The following ERI3 variants were observed in gnomAD, a reference collection of about 807,000 sequenced individuals.
ERI3 encodes the protein ERI1 exoribonuclease 3.
ERI3 carries 18 observed loss-of-function variants against 44.4 expected under a neutral mutation model. The ratio of observed to expected loss-of-function variants is 0.41; its 90% CI spans 0.28 to 0.60. The LOEUF (loss-of-function observed/expected upper bound fraction) is 0.60, where lower values mean the gene tolerates loss of function less well. ERI3 is among the 20% of genes least tolerant of loss of function. The pLI is 0.36. For synonymous variants in ERI3, 183 were observed against 164.8 expected (o/e 1.11, Z -0.84); for missense variants, 294 against 435.5 (o/e 0.68, Z 2.89).
intron 7 of ERI3, among the ~76,000 whole-genome samples, chr1:44,283,410 G>C (rs1388443188): frequency 6.6e-6 from 1 of 152,232 alleles, no homozygotes; most frequent in Non-Finnish European, 1.5e-5. Flanking sequence ...CAAGTGCCAA[G>C]GAACCTCAAG....
At position 44,241,723 on chromosome 1, in the gene ERI3, C is replaced by G. The variant is rs1401468120; in HGVS notation, c.931+6216G>C. 6.6e-6 allele frequency among the ~76,000 whole-genome samples: 1 copy of G among 152,036 alleles called. No homozygotes were observed. The highest frequency in any genetic ancestry group is 1.5e-5 in the Non-Finnish European group (1 of 68,002). On this transcript the variant is annotated intron_variant, in intron 8 of 8. Coordinates refer to ENST00000372257, the MANE Select transcript of ERI3 (RefSeq NM_024066.3). The surrounding 1 kb of genome is among the most constrained non-coding windows in gnomAD (Gnocchi z 5.6). ...GTTTGACAGGAGATACAGAGAGAGACAAGGGGAGGCGAGGCCGGGGCCTGG... is the reference window on the plus strand; with the variant it reads ...GTTTGACAGGAGATACAGAGAGAGAGAAGGGGAGGCGAGGCCGGGGCCTGG...
intron 6 of ERI3, among the ~76,000 whole-genome samples, chr1:44,299,824 C>A (rs1044227324): frequency 1.3e-5 from 2 of 152,146 alleles, no homozygotes; most frequent in Non-Finnish European, 2.9e-5. Context: ...GTCATACAGT[C>A]CAGCCAGGTG....
At position 44,352,880 on chromosome 1, in the gene ERI3, C is replaced by A; in HGVS notation, c.181G>T (p.Ala61Ser). 1 of 1,614,152 alleles carries A rather than the reference C, an allele frequency of 6.2e-7. No individual in the cohort carries two copies. The highest frequency in any genetic ancestry group is 8.5e-7 in the Non-Finnish European group (1 of 1,180,034). Residue 61 changes from alanine (A) to serine (S), a missense_variant, in exon 2 of 9, where the codon GCC (alanine) becomes TCC (serine). Ala to Ser is a moderately conservative substitution (Grantham distance 99). Around this residue, in one of 2 missense-constraint regions of ERI3, gnomAD observed 107 missense variants for 96.9 expected, o/e 1.10. Coordinates refer to ENST00000372257, the MANE Select transcript of ERI3 (RefSeq NM_024066.3). ...CTTACTTCGAAGATGCCAAGACCGGCAGCTGGGGATGCTGAAGGTTCTGTG... is the reference window on the plus strand; with the variant it reads ...CTTACTTCGAAGATGCCAAGACCGGAAGCTGGGGATGCTGAAGGTTCTGTG... ...ALTEPSASPA[A>S]GLGIFEVRRV...
chr1:44,263,126 T>C (rs1415635624), intron 7 of ERI3, among the ~76,000 whole-genome samples: 3 of 152,160 alleles, frequency 2.0e-5, no homozygotes, highest in Non-Finnish European at 4.4e-5. Flanking sequence ...GAAGTTCCAT[T>C]AACCTTCCCT....
chr1:44,254,449 T>G (rs1032732241), intron 7 of ERI3, among the ~76,000 whole-genome samples: 4 of 152,182 alleles, frequency 2.6e-5, no homozygotes, highest in Non-Finnish European at 4.4e-5. Context: ...ACTTTTCTAC[T>G]AAGCCTGAAC....
At chr1:44,354,189 A>G (rs1646951194) in intron 1 of ERI3, 1 of 985,422 alleles carries the variant, frequency 1.0e-6, no homozygotes, top group Non-Finnish European at 1.2e-6. Flanking sequence ...AGCCAATAGG[A>G]TTCATGTTTT....
In ERI3 at chr1:44,339,092, C is replaced by A; in HGVS notation, c.442G>T (p.Val148Leu). The A allele has an allele frequency of 6.2e-7, 1 of 1,613,912 alleles. No homozygotes were observed. The change falls in exon 3 of 9, where the codon GTG becomes TTG. Residue 148 changes from valine to leucine, a missense_variant. Coordinates refer to ENST00000372257, the MANE Select transcript of ERI3 (RefSeq NM_024066.3). ...FPPQRYHYFL[V>L]LDFEATCDKP... ...TCGCACGTGGCCTCAAAGTCCAGCA[C>A]TAAAAAGTAGTGATACCTCTGGGGA...
intron 7 of ERI3, 96 bp downstream of exon 7, chr1:44,284,739 G>C (rs1482305592): frequency 2.3e-6 from 2 of 886,104 alleles, no homozygotes; most frequent in South Asian, 1.5e-5. Context: ...AAAAGAAAAA[G>C]AGGGAGAACA....
At chr1:44,248,120 C>G (rs748133056) in intron 7 of ERI3, 82 bp from the exon 8 acceptor site, 5 of 859,858 alleles carry the variant, frequency 5.8e-6, no homozygotes, top group Non-Finnish European at 8.9e-6. Flanking sequence ...CCCCACCCCC[C>G]AAATCTTTCC....
At chr1:44,304,628 C>T (rs1406929440) in intron 6 of ERI3, among the ~76,000 whole-genome samples, 1 of 152,166 alleles carries the variant, frequency 6.6e-6, no homozygotes, top group African/African-American at 2.4e-5. Flanking sequence ...GTGCGTGGTT[C>T]CATCGTGGCA....
At chr1:44,246,740 T>C (rs1644562287) in intron 8 of ERI3, among the ~76,000 whole-genome samples, 1 of 152,260 alleles carries the variant, frequency 6.6e-6, no homozygotes, top group Admixed American at 6.5e-5. Context: ...TTTCAGTCCC[T>C]GTCTCTTCCC....
At chr1:44,300,642 C>T (rs1645703665) in intron 6 of ERI3, among the ~76,000 whole-genome samples, 1 of 152,202 alleles carries the variant, frequency 6.6e-6, no homozygotes, top group South Asian at 2.1e-4. Context: ...AAACCTGCTC[C>T]TACCCTCAGG....
chr1:44,354,894 C>T lies in ERI3; in HGVS notation c.133G>A (p.Gly45Arg). ...CGGGGCCATTCAGCATCACCCACCC[C>T]GGGGTGTTGCCCCCAACTCGGGCCC... The part of the protein sequence containing the change: ...WMGPSWGQHP[G>R]HWGFPALTEP... The change falls in exon 1 of 9, where the codon GGG becomes AGG. Residue 45 changes from glycine (G) to arginine (R), a missense_variant and splice_region_variant. By Grantham distance (125) the Gly-to-Arg change is moderately radical (BLOSUM62 -2). Around this residue, in one of 2 missense-constraint regions of ERI3, gnomAD observed 107 missense variants for 96.9 expected, o/e 1.10. Transcript: ENST00000372257. 6.1e-6 allele frequency: 8 copies of T among 1,316,886 alleles called. No homozygotes were observed. The highest frequency in any genetic ancestry group is 7.8e-6 in the Non-Finnish European group (8 of 1,024,104). 81.6% of individuals were successfully genotyped at this position (1,316,886 alleles called of 1,614,324 possible).
intron 7 of ERI3, among the ~76,000 whole-genome samples, chr1:44,262,515 A>ATCTGGGC (rs1264378597): frequency 2.0e-5 from 3 of 152,206 alleles, no homozygotes; most frequent in Non-Finnish European, 4.4e-5. Context: ...CAGCACTTCC[A>ATCTGGGC]TCTGGGCACC....
Position 44,288,470 on chromosome 1 carries a change from C to T in ERI3, c.759-3563G>A, listed in dbSNP as rs1389990565. Among the ~76,000 whole-genome samples, 3 of 152,300 alleles carry T rather than the reference C, an allele frequency of 2.0e-5. No individual in the cohort carries two copies. The East Asian group carries it at 5.8e-4, about 29-fold the overall frequency. On this transcript the variant is annotated intron_variant, in intron 6 of 8. Coordinates refer to ENST00000372257, the MANE Select transcript of ERI3 (RefSeq NM_024066.3). Reference sequence around the variant, plus strand: ...AGCTTGCAAGTGCCTCATGGGAAGACAGTTACACATCTCTACCACACACCC... The same window carrying T: ...AGCTTGCAAGTGCCTCATGGGAAGATAGTTACACATCTCTACCACACACCC...
At chr1:44,265,093 C>T (rs1185449762) in intron 7 of ERI3, among the ~76,000 whole-genome samples, 1 of 152,174 alleles carries the variant, frequency 6.6e-6, no homozygotes, top group Non-Finnish European at 1.5e-5. Flanking sequence ...CGCAAGCATC[C>T]TCTCACAGAT....
intron 6 of ERI3, among the ~76,000 whole-genome samples, chr1:44,307,432 CAG>C (rs1201438942): frequency 6.6e-6 from 1 of 152,132 alleles, no homozygotes; most frequent in African/African-American, 2.4e-5. Flanking sequence ...CACACACACA[CAG>C]AGACACACAC....
Position 44,332,158 on chromosome 1 carries a change from A to C in ERI3, c.489+6887T>G, listed in dbSNP as rs530138700. Among the ~76,000 whole-genome samples, 52 of 152,288 alleles carry C rather than the reference A, an allele frequency of 3.4e-4. 1 individual carries two copies. The highest frequency in any genetic ancestry group is 1.5e-5 in the Non-Finnish European group (1 of 68,016). On this transcript the variant is annotated intron_variant, in intron 3 of 8. Coordinates refer to ENST00000372257, the MANE Select transcript of ERI3 (RefSeq NM_024066.3). ...GTCTTCCCCATTCCTTTGCTGACTT[A>C]GGCGGTTTTTTTATGTCCAACAAAA...
chr1:44,310,956 C>CGCGCGT (rs1553195210), intron 5 of ERI3, among the ~76,000 whole-genome samples: 1 of 74,028 alleles, frequency 1.4e-5, no homozygotes. Context: ...GCACATCGCG[C>CGCGCGT]GCGCGCGCAC....
Sources: gnomAD v4.1 joint callset for allele counts (sites outside exome capture counted in the v4.1 genomes callset) on GRCh38, gnomAD v4.1.1 for gene constraint, gnomAD v4.1.1 regional missense constraint, Gnocchi (gnomAD v3.1) non-coding constraint, MANE v1.5 for transcripts, NCBI Gene and HGNC (gene_info 2026-07-23, HGNC 2026-07-21) for gene names.